The following SLC38A7 variants were observed in gnomAD, a reference collection of about 807,000 sequenced individuals.
SLC38A7 encodes the protein sodium-coupled neutral amino acid transporter 7.
Under a neutral mutation model 50.1 loss-of-function variants are expected in SLC38A7, and 29 were observed. The ratio of observed to expected loss-of-function variants is 0.58; its 90% CI spans 0.43 to 0.79. The LOEUF (loss-of-function observed/expected upper bound fraction) is 0.79. SLC38A7 is among the 30% of genes least tolerant of loss of function. The pLI, the probability that SLC38A7 is intolerant of heterozygous loss-of-function variation, is 0.00. For missense variants in SLC38A7, 483 were observed against 610.6 expected (o/e 0.79, Z 2.20); for synonymous variants, 244 against 245.9 (o/e 0.99, Z 0.07).
intron 9 of SLC38A7, 27 bp from the exon 10 acceptor site, chr16:58,671,271 G>A (rs774696936): frequency 2.5e-6 from 4 of 1,605,532 alleles, no homozygotes; most frequent in South Asian, 1.1e-5. Context: ...GGGCTTAGAG[G>A]TGCCCCTGCT....
intron 7 of SLC38A7, 82 bp downstream of exon 7, chr16:58,676,207 G>T: frequency 6.3e-7 from 1 of 1,595,350 alleles, no homozygotes; most frequent in South Asian, 1.1e-5. Context: ...CATTCTGCCT[G>T]GGTTCCTCCT....
intron 3 of SLC38A7, chr16:58,679,468 G>T: frequency 2.1e-6 from 1 of 467,978 alleles, no homozygotes; most frequent in Non-Finnish European, 3.7e-6. Flanking sequence ...TCAATGCATG[G>T]CCAACTTGTT....
In SLC38A7 at chr16:58,675,925, G is replaced by T. The variant is rs372026967; in HGVS notation, c.883+15C>A. ...AGCACTCTAGTCCCAGGTCTTGGGG[G>T]GGGGGAGCACTCACCTGTCCCCATG... is the stretch of plus-strand genomic sequence containing the variant. On this transcript the variant is annotated intron_variant, in intron 8 of 11. Coordinates refer to ENST00000219320, the MANE Select transcript of SLC38A7 (RefSeq NM_018231.3). The T allele has an allele frequency of 4.0e-5, 63 of 1,589,174 alleles. No individual in the cohort carries two copies. Among genetic ancestry groups the T allele is most frequent in the South Asian group, 1.1e-4 (10 of 88,656 alleles).
At chr16:58,669,969 C>A (rs1349685731) in intron 11 of SLC38A7, 144 bp downstream of exon 11, 24 of 712,886 alleles carry the variant, frequency 3.4e-5, no homozygotes, top group Admixed American at 1.5e-4. Flanking sequence ...AGCGAGACTC[C>A]GGCTCAAAAA....
At position 58,672,130 on chromosome 16, in the gene SLC38A7, G is replaced by A. The variant is rs1421857883; in HGVS notation, c.997C>T (p.Leu333Phe). Residue 333 changes from leucine (L) to phenylalanine (F), a missense_variant, in exon 9 of 12, where the codon CTC (leucine) becomes TTC (phenylalanine). Coordinates refer to ENST00000219320, the MANE Select transcript of SLC38A7 (RefSeq NM_018231.3). ...AAGTGCAGGATAGGGTAGGAGGTGA[G>A]CACGCTCAGGATGATGAAGGCTCGG... ...VARAFIILSVLTSYPILHFCG... is the reference protein window; with the variant it reads ...VARAFIILSVFTSYPILHFCG... 6.4e-7 allele frequency: 1 copy of A among 1,560,376 alleles called. No homozygotes were observed. Among genetic ancestry groups the A allele is most frequent in the Non-Finnish European group, 8.7e-7 (1 of 1,152,270 alleles).
rs2044049717 is a variant in SLC38A7, at chr16:58,667,040, CA to C, written c.*344del. 1 of 375,284 alleles carries C rather than the reference CA, an allele frequency of 2.7e-6. No individual in the cohort carries two copies. 23.2% of individuals were successfully genotyped at this position (375,284 alleles called of 1,614,324 possible). ...TGGCCTTCTGTCCATAGTCATTCTC[CA>C]GAGGGAAGTCAGACTGGATTCTTTC... On this transcript the variant is annotated 3_prime_UTR_variant, in exon 12 of 12. Transcript: ENST00000219320.
chr16:58,674,877 C>G (rs1036220425), intron 8 of SLC38A7, among the ~76,000 whole-genome samples: 2 of 152,104 alleles, frequency 1.3e-5, no homozygotes, highest in Non-Finnish European at 2.9e-5. Flanking sequence ...ACCCCAACCA[C>G]TCTCCACACG....
intron 2 of SLC38A7, among the ~76,000 whole-genome samples, chr16:58,680,976 T>C (rs561662392): frequency 6.6e-6 from 1 of 152,292 alleles, no homozygotes; most frequent in Admixed American, 6.5e-5. Flanking sequence ...CTTGGAGCCA[T>C]GTAGGGGCCC....
chr16:58,672,248 G>A lies in SLC38A7; in HGVS notation c.884-5C>T. The A allele has an allele frequency of 6.3e-7, 1 of 1,578,328 alleles. No individual in the cohort carries two copies. The highest frequency in any genetic ancestry group is 8.6e-7 in the Non-Finnish European group (1 of 1,161,724). ...AGGTCAGGAAGCCACAGATGCCTGTGGGCAGGGACAACTGGGTCAGGGCAA... is the reference window on the plus strand; with the variant it reads ...AGGTCAGGAAGCCACAGATGCCTGTAGGCAGGGACAACTGGGTCAGGGCAA... On this transcript the variant is annotated splice_polypyrimidine_tract_variant and splice_region_variant and intron_variant, in intron 8 of 11. Transcript: ENST00000219320.
chr16:58,673,943 A>T (rs1287790981), intron 8 of SLC38A7, among the ~76,000 whole-genome samples: 1 of 151,344 alleles, frequency 6.6e-6, no homozygotes, highest in African/African-American at 2.4e-5. Context: ...CTCATGCCTT[A>T]GCCTCCCGAG....
chr16:58,674,167 C>A (rs774319948), intron 8 of SLC38A7, among the ~76,000 whole-genome samples: 2 of 152,276 alleles, frequency 1.3e-5, no homozygotes, highest in South Asian at 2.1e-4. Context: ...ATGAGTCTCA[C>A]TATGTTGCCG....
intron 11 of SLC38A7, among the ~76,000 whole-genome samples, chr16:58,669,578 G>C (rs768040462): frequency 1.1e-3 from 172 of 152,134 alleles, no homozygotes; most frequent in Non-Finnish European, 1.7e-3. Flanking sequence ...AGTGGGTTGT[G>C]GGGGAAGAGG....
chr16:58,672,494 G>A (rs991297541), intron 8 of SLC38A7, among the ~76,000 whole-genome samples: 9 of 152,134 alleles, frequency 5.9e-5, no homozygotes, highest in African/African-American at 1.7e-4. Context: ...CCACCTCAGT[G>A]CCTTGGCACT....
At position 58,680,106 on chromosome 16, in the gene SLC38A7, G is replaced by A; in HGVS notation, c.21C>T (p.Asn7=). Residue 7 remains asparagine (N), a synonymous_variant, in exon 3 of 12, where the codon AAC becomes AAT. Transcript: ENST00000219320. The part of the protein sequence containing the change: MAQVSI[N]NDYSEWDLST... ...TCAAGTCCCACTCGCTGTAGTCATT[G>A]TTGATGCTGACCTGGGCCATGGCCC... 1 of 1,540,440 alleles carries A rather than the reference G, an allele frequency of 6.5e-7. No individual in the cohort carries two copies.
Position 58,676,297 on chromosome 16 carries a change from C to T in SLC38A7, c.760G>A (p.Gly254Arg), listed in dbSNP as rs748856352. 1.5e-5 allele frequency: 24 copies of T among 1,614,016 alleles called. No homozygotes were observed. The highest frequency in any genetic ancestry group is 4.4e-5 in the South Asian group (4 of 91,088). The change falls in exon 7 of 12, where the codon GGA becomes AGA. Residue 254 changes from glycine to arginine, a missense_variant. Transcript: ENST00000219320. The part of the protein sequence containing the change: ...VFNAMPTICF[G>R]FQCHVSSVPV... ...GCAACTGGCACTGGCACCTGAAATC[C>T]GAAGCAGATGGTGGGCATGGCATTG... is the stretch of plus-strand genomic sequence containing the variant.
intron 1 of SLC38A7, chr16:58,684,407 G>C (rs941049635): frequency 6.6e-6 from 1 of 152,466 alleles, no homozygotes; most frequent in Non-Finnish European, 1.5e-5. Flanking sequence ...GAGCCAGGGC[G>C]CACCCGGGCC....
chr16:58,680,209 G>A lies in SLC38A7; in HGVS notation c.-83C>T, dbSNP rs745716192. ...TCAGGGAGCTGAGCAACACCCACCT[G>A]TTTGGGGCTGTTAGCTTAGGACTCT... On this transcript the variant is annotated 5_prime_UTR_variant, in exon 3 of 12. Coordinates refer to ENST00000219320, the MANE Select transcript of SLC38A7 (RefSeq NM_018231.3). 14 of 1,429,162 alleles carry A rather than the reference G, an allele frequency of 9.8e-6. No individual in the cohort carries two copies. The highest frequency in any genetic ancestry group is 1.3e-5 in the Non-Finnish European group (14 of 1,086,106). The allele number at this position is 1,429,162 out of a possible 1,614,324, so 88.5% of individuals were successfully genotyped here. A position where few individuals can be genotyped will look rare whatever the true frequency, so the allele number is the denominator to read the frequency against.
At chr16:58,675,876 C>T (rs1597672206) in intron 8 of SLC38A7, 64 bp downstream of exon 8, 4 of 1,316,822 alleles carry the variant, frequency 3.0e-6, no homozygotes. Context: ...GGCCCCAGGA[C>T]CTAGGGACTC....
intron 2 of SLC38A7, among the ~76,000 whole-genome samples, chr16:58,680,912 C>T (rs2044376240): frequency 6.6e-6 from 1 of 152,182 alleles, no homozygotes; most frequent in African/African-American, 2.4e-5. Context: ...CCTTTGCCGC[C>T]ACCCTTTTAG....
Sources: gnomAD v4.1 joint callset for allele counts (sites outside exome capture counted in the v4.1 genomes callset) on GRCh38, gnomAD v4.1.1 for gene constraint, MANE v1.5 for transcripts, NCBI Gene and HGNC (gene_info 2026-07-23, HGNC 2026-07-21) for gene names.